Variants in DOP1A observed in about 807,000 individuals in gnomAD.
The protein encoded by DOP1A is protein DOP1A.
A neutral mutation model predicts 267.6 loss-of-function variants in DOP1A; 90 were observed. The ratio of observed to expected loss-of-function variants is 0.34; its 90% CI spans 0.28 to 0.40. DOP1A has a LOEUF of 0.40. Among genes scored for constraint, DOP1A ranks in the 10% least tolerant of loss-of-function variants. The probability of loss-of-function intolerance (pLI) is 1.00; values close to 1 mark genes in which losing one functional copy is unlikely to be tolerated. For synonymous variants in DOP1A, 932 were observed against 999.1 expected, an observed-to-expected ratio of 0.93 and a Z score of 1.27; for missense variants, 2,437 against 2,900.4, an observed-to-expected ratio of 0.84 and a Z score of 3.67.
chr6:83,158,307 T>G (rs1419830840), intron 35 of DOP1A, among the ~76,000 whole-genome samples: 2 of 152,140 alleles, frequency 1.3e-5, no homozygotes, highest in Non-Finnish European at 2.9e-5. Flanking sequence ...GACCTATTTT[T>G]CCTTTTTTAA....
chr6:83,097,076 A>G lies in DOP1A; in HGVS notation c.99A>G (p.Glu33=), dbSNP rs1771633227. ...KALKNFEYSS[E]WADLISALGK... is the part of the protein sequence containing the mutation. ...TAAAGAATTTTGAATACTCCAGTGA[A>G]TGGGCAGATTTGATATCAGCACTTG... Residue 33 remains glutamate (E), a synonymous_variant, in exon 3 of 39, where the codon GAA becomes GAG. Coordinates refer to ENST00000349129, the MANE Select transcript of DOP1A (RefSeq NM_015018.4). 1 of 1,614,108 alleles carries G rather than the reference A, an allele frequency of 6.2e-7. No homozygotes were observed.
Position 83,097,105 on chromosome 6 carries a change from A to G in DOP1A, c.128A>G (p.Lys43Arg), listed in dbSNP as rs1015511353. 1.2e-6 allele frequency: 2 copies of G among 1,613,978 alleles called. No individual in the cohort carries two copies. Among genetic ancestry groups the G allele is most frequent in the Admixed American group, 3.3e-5 (2 of 60,024 alleles). ...EWADLISALG[K>R]LNKVLQNNAK... is the part of the protein sequence containing the mutation. ...GCAGATTTGATATCAGCACTTGGAA[A>G]ACTTAATAAGGTATGTCTGTATTAT... Residue 43 changes from lysine to arginine, a missense_variant, in exon 3 of 39, where the codon AAA becomes AGA. Physicochemically the swap from Lys to Arg is conservative, Grantham distance 26 (BLOSUM62 2). Around this residue, in one of 9 missense-constraint regions of DOP1A, gnomAD observed 251 missense variants for 359.1 expected, o/e 0.70. Transcript: ENST00000349129.
intron 19 of DOP1A, 139 bp downstream of exon 19, chr6:83,134,426 C>A: frequency 3.0e-6 from 2 of 665,484 alleles, no homozygotes; most frequent in Non-Finnish European, 4.6e-6. Flanking sequence ...TTTTGAAAAC[C>A]GTAAGCTGTA....
chr6:83,125,047 T>G, intron 13 of DOP1A, 119 bp from the exon 14 acceptor site: 1 of 959,080 alleles, frequency 1.0e-6, no homozygotes, highest in South Asian at 1.5e-5. Context: ...TCTTAACTGT[T>G]TAGTGTATAG....
At chr6:83,068,954 G>A (rs1363635276) in intron 1 of DOP1A, among the ~76,000 whole-genome samples, 1 of 152,140 alleles carries the variant, frequency 6.6e-6, no homozygotes, top group African/African-American at 2.4e-5. Context: ...TAGTGCTGAA[G>A]GAACTAAAAA....
Position 83,119,827 on chromosome 6 carries a change from C to T in DOP1A, c.960C>T (p.Phe320=). 1.2e-6 allele frequency: 2 copies of T among 1,612,766 alleles called. No homozygotes were observed. Among genetic ancestry groups the T allele is most frequent in the Non-Finnish European group, 1.7e-6 (2 of 1,179,060 alleles). ...CTGAAGAACATGCCACTTACTATTT[C>T]ACTACCTTTTCAAAAGAATTATTAG... is the stretch of plus-strand genomic sequence containing the variant. ...SNPEEHATYY[F]TTFSKELLVQ... Residue 320 remains phenylalanine (F), a synonymous_variant, in exon 9 of 39, where the codon TTC becomes TTT. Transcript: ENST00000349129.
intron 1 of DOP1A, among the ~76,000 whole-genome samples, chr6:83,068,389 A>G (rs1473854706): frequency 6.6e-6 from 1 of 152,050 alleles, no homozygotes; most frequent in African/African-American, 2.4e-5. Context: ...AACAATAGTC[A>G]CTTGTTCGGG....
At chr6:83,098,537 G>A (rs1376768417) in intron 3 of DOP1A, among the ~76,000 whole-genome samples, 1 of 152,200 alleles carries the variant, frequency 6.6e-6, no homozygotes, top group Non-Finnish European at 1.5e-5. Flanking sequence ...TGGCTATAAA[G>A]TTCCACAATC....
downstream of DOP1A, chr6:83,169,070 T>C: frequency 2.1e-6 from 3 of 1,420,318 alleles, no homozygotes; most frequent in Non-Finnish European, 2.7e-6. Context: ...TACCTATTTA[T>C]AAAGAATTAT....
chr6:83,101,027 TTTGTTTG>T (rs1772474437), intron 4 of DOP1A, 141 bp downstream of exon 4: 1 of 514,790 alleles, frequency 1.9e-6, no homozygotes, highest in African/African-American at 2.0e-5. Flanking sequence ...TTTGTTTTGT[TTTGTTTG>T]AGACGGAGTC....
chr6:83,112,136 C>T (rs1273317639), intron 6 of DOP1A, among the ~76,000 whole-genome samples: 1 of 151,920 alleles, frequency 6.6e-6, no homozygotes, highest in East Asian at 1.9e-4. Flanking sequence ...AAACAAATGA[C>T]ACACATGGAA....
chr6:83,068,292 A>C (rs970158747), intron 1 of DOP1A, among the ~76,000 whole-genome samples: 3 of 152,164 alleles, frequency 2.0e-5, no homozygotes, highest in African/African-American at 7.2e-5. Flanking sequence ...GGAGTACCGA[A>C]GTTTATTAAG....
intron 14 of DOP1A, 83 bp from the exon 15 acceptor site, chr6:83,125,417 C>A (rs934111282): frequency 2.4e-5 from 30 of 1,267,458 alleles, no homozygotes; most frequent in Admixed American, 6.1e-5. Flanking sequence ...TGAGTAAAAT[C>A]ATTGCCTATT....
At position 83,159,960 on chromosome 6, in the gene DOP1A, T is replaced by C. The variant is rs1236640287; in HGVS notation, c.6962T>C (p.Met2321Thr). The C allele has an allele frequency of 6.2e-7, 1 of 1,613,932 alleles. No homozygotes were observed. The highest frequency in any genetic ancestry group is 8.5e-7 in the Non-Finnish European group (1 of 1,179,930). The change falls in exon 37 of 39, where the codon ATG (methionine) becomes ACG (threonine). Residue 2321 changes from methionine to threonine, a missense_variant and splice_region_variant. This residue lies in a region of DOP1A where 197 missense variants were observed against 246.5 expected (regional missense o/e 0.80). Coordinates refer to ENST00000349129, the MANE Select transcript of DOP1A (RefSeq NM_015018.4). Reference sequence around the variant, plus strand: ...TCTGAAAACCTTCCTCAGTTTCAGATGTAAGTAAAAGCAAGGATATTAAAT... The same window carrying C: ...TCTGAAAACCTTCCTCAGTTTCAGACGTAAGTAAAAGCAAGGATATTAAAT... ...LPSENLPQFQ[M>T]YRWAFIPEAS... is the part of the protein sequence containing the mutation.
Position 83,137,374 on chromosome 6 carries a change from C to G in DOP1A, c.3332C>G (p.Ser1111Trp), listed in dbSNP as rs1167179187. 1 of 1,613,666 alleles carries G rather than the reference C, an allele frequency of 6.2e-7. No homozygotes were observed. Among genetic ancestry groups the G allele is most frequent in the East Asian group, 2.2e-5 (1 of 44,862 alleles). Residue 1111 changes from serine (S) to tryptophan (W), a missense_variant, in exon 21 of 39, where the codon TCG (serine) becomes TGG (tryptophan). Ser to Trp is a radical substitution (Grantham distance 177). This residue lies in a region of DOP1A where 878 missense variants were observed against 992.9 expected (regional missense o/e 0.88). Transcript: ENST00000349129. ...ATAGAAATACTTCAGAGTTCTGACTCGGGATGTTCACAGTCCTCTGCTGGG... is the reference window on the plus strand; with the variant it reads ...ATAGAAATACTTCAGAGTTCTGACTGGGGATGTTCACAGTCCTCTGCTGGG... ...QQIEILQSSD[S>W]GCSQSSAGDN...
intron 27 of DOP1A, among the ~76,000 whole-genome samples, chr6:83,150,158 T>A (rs1178924638): frequency 6.6e-6 from 1 of 152,144 alleles, no homozygotes; most frequent in South Asian, 2.1e-4. Context: ...GAGGACTGCT[T>A]GAGCCCAGAG....
At chr6:83,136,493 G>T (rs1659766188) in intron 20 of DOP1A, among the ~76,000 whole-genome samples, 2 of 152,054 alleles carry the variant, frequency 1.3e-5, no homozygotes, top group South Asian at 4.1e-4. Context: ...AAACCCTGTG[G>T]TGGTAATGAA....
intron 31 of DOP1A, 84 bp downstream of exon 31, chr6:83,153,704 A>G: frequency 8.0e-7 from 1 of 1,250,598 alleles, no homozygotes; most frequent in Non-Finnish European, 1.1e-6. Flanking sequence ...CATTTCTAGA[A>G]TTATCATAAA....
At chr6:83,092,469 T>G (rs770529759) in intron 1 of DOP1A, among the ~76,000 whole-genome samples, 5 of 152,040 alleles carry the variant, frequency 3.3e-5, no homozygotes, top group Admixed American at 6.5e-5. Flanking sequence ...TTCATATTTA[T>G]TGTGAGTTCT....
Sources: gnomAD v4.1 joint callset for allele counts (sites outside exome capture counted in the v4.1 genomes callset) on GRCh38, gnomAD v4.1.1 for gene constraint, gnomAD v4.1.1 regional missense constraint, MANE v1.5 for transcripts, NCBI Gene and HGNC (gene_info 2026-07-23, HGNC 2026-07-21) for gene names.